The following C1orf54 variants were observed in gnomAD, a reference collection of about 807,000 sequenced individuals.
The protein encoded by C1orf54 is chromosome 1 open reading frame 54.
A neutral mutation model predicts 14.7 loss-of-function variants in C1orf54; 12 were observed. That is an observed-to-expected ratio of 0.82 (90% CI 0.52 to 1.32). The LOEUF (loss-of-function observed/expected upper bound fraction) is 1.32, where lower values mean the gene tolerates loss of function less well. Among genes scored for constraint, C1orf54 ranks in the 40% most tolerant of loss-of-function variants. C1orf54 has a pLI of 0.00. For missense variants in C1orf54, 163 were observed against 162.2 expected (o/e 1.00, Z -0.03); for synonymous variants, 65 against 56.3 (o/e 1.16, Z -0.70).
chr1:150,273,043 G>A (rs1652334707), intron 1 of C1orf54, among the ~76,000 whole-genome samples, 180 bp downstream of exon 1: 1 of 152,114 alleles, frequency 6.6e-6, no homozygotes. Context: ...GCCAGGAAAG[G>A]GGGAAAAAAG....
At chr1:150,268,905 A>T, upstream of C1orf54, 1 of 1,090,598 alleles carries the variant, frequency 9.2e-7, no homozygotes, top group Non-Finnish European at 1.3e-6. Context: ...TGGCAACGCG[A>T]CCCCACGAGG....
At chr1:150,270,947 G>C (rs1652163758), upstream of C1orf54, among the ~76,000 whole-genome samples, 1 of 131,396 alleles carries the variant, frequency 7.6e-6, no homozygotes, top group Non-Finnish European at 1.6e-5. Context: ...AGTGAGCCGA[G>C]ATCGTGCCAC....
chr1:150,277,689 C>T (rs1336809863), intron 4 of C1orf54, among the ~76,000 whole-genome samples: 4 of 151,902 alleles, frequency 2.6e-5, no homozygotes, highest in Admixed American at 2.6e-4. Flanking sequence ...TCACATGTGG[C>T]AACATAGGGG....
intron 4 of C1orf54, 85 bp downstream of exon 4, chr1:150,276,717 T>G (rs1026194723): frequency 8.3e-5 from 93 of 1,116,462 alleles, no homozygotes; most frequent in Non-Finnish European, 1.8e-5. Flanking sequence ...ATACCAGGCT[T>G]TGGTGGATGG....
chr1:150,270,085 T>C (rs892849353), upstream of C1orf54, among the ~76,000 whole-genome samples: 6 of 151,970 alleles, frequency 3.9e-5, no homozygotes, highest in Admixed American at 1.3e-4. Flanking sequence ...TGTAATCTCA[T>C]TTGGATGGGG....
At chr1:150,272,366 A>G (rs2101865560), upstream of C1orf54, 1 of 169,458 alleles carries the variant, frequency 5.9e-6, no homozygotes, top group Middle Eastern at 3.1e-3. Flanking sequence ...CTGTGACGAA[A>G]AGAGACTGAT....
intron 1 of C1orf54, among the ~76,000 whole-genome samples, chr1:150,273,722 G>C (rs371624620): frequency 6.2e-4 from 95 of 152,332 alleles, no homozygotes; most frequent in African/African-American, 2.2e-3. Flanking sequence ...AATACAGTAA[G>C]ATCTGGAGCA....
chr1:150,273,076 G>C (rs973976393), intron 1 of C1orf54, among the ~76,000 whole-genome samples: 2 of 152,146 alleles, frequency 1.3e-5, no homozygotes, highest in Admixed American at 1.3e-4. Flanking sequence ...AAACAAGGAG[G>C]ATGGAGCTCC....
upstream of C1orf54, among the ~76,000 whole-genome samples, chr1:150,270,709 G>C (rs1406889069): frequency 6.6e-6 from 1 of 150,822 alleles, no homozygotes; most frequent in African/African-American, 2.4e-5. Context: ...ATGAGACTAA[G>C]AGGGTAGCTG....
At chr1:150,268,746 A>G, upstream of C1orf54, 1 of 1,613,880 alleles carries the variant, frequency 6.2e-7, no homozygotes, top group Non-Finnish European at 8.5e-7. Context: ...CACAGTGATC[A>G]AGAAAAGCGC....
At chr1:150,280,455 G>A (rs587658262) in intron 5 of C1orf54, among the ~76,000 whole-genome samples, 1 of 152,312 alleles carries the variant, frequency 6.6e-6, no homozygotes, top group African/African-American at 2.4e-5. Context: ...GCCTGGCCAC[G>A]TTTCAAGTCA....
Position 150,272,859 on chromosome 1 carries a change from C to T in C1orf54, c.42C>T (p.Ile14=), listed in dbSNP as rs781992672. The T allele has an allele frequency of 9.9e-6, 16 of 1,613,980 alleles. No homozygotes were observed. Among genetic ancestry groups the T allele is most frequent in the Non-Finnish European group, 1.3e-5 (15 of 1,180,032 alleles). ...TAGCCATCTTTGCTGTGCCACTTAT[C>T]CTGGGTAAGTCCACTCCTCTCTCTG... ...LFVAIFAVPL[I]LGQEYEDEER... is the part of the protein sequence containing the mutation. The change falls in exon 1 of 6, where the codon ATC becomes ATT. Residue 14 remains isoleucine (I), a synonymous_variant. Coordinates refer to ENST00000369099, the MANE Select transcript of C1orf54 (RefSeq NM_024579.4).
Position 150,275,720 on chromosome 1 carries a change from G to A in C1orf54, c.131-21G>A, listed in dbSNP as rs782757471. 5.0e-6 allele frequency: 8 copies of A among 1,586,836 alleles called. No homozygotes were observed. In the South Asian group the frequency reaches 7.9e-5, roughly 16 times the overall value. ...GTTACATTTTTCTTTAATTATTACTGATTTTCTTTCTCCTCTGCAGATGAC... is the reference window on the plus strand; with the variant it reads ...GTTACATTTTTCTTTAATTATTACTAATTTTCTTTCTCCTCTGCAGATGAC... On this transcript the variant is annotated intron_variant, in intron 2 of 5. Transcript: ENST00000369099.
intron 1 of C1orf54, among the ~76,000 whole-genome samples, chr1:150,273,621 G>A (rs900115263): frequency 6.6e-6 from 1 of 152,186 alleles, no homozygotes; most frequent in Non-Finnish European, 1.5e-5. Context: ...TATTCTGTTA[G>A]CAGTGAAGGT....
At chr1:150,280,513 G>GT (rs1652999587) in intron 5 of C1orf54, among the ~76,000 whole-genome samples, 2 of 152,248 alleles carry the variant, frequency 1.3e-5, no homozygotes, top group Non-Finnish European at 2.9e-5. Flanking sequence ...ACCTGGTAGA[G>GT]TCAAGAGGCA....
chr1:150,280,454 C>T (rs1182438640), intron 5 of C1orf54, among the ~76,000 whole-genome samples: 3 of 152,208 alleles, frequency 2.0e-5, no homozygotes, highest in South Asian at 2.1e-4. Flanking sequence ...AGCCTGGCCA[C>T]GTTTCAAGTC....
chr1:150,272,887 C>G (rs1553851564), intron 1 of C1orf54, 24 bp downstream of exon 1: 2 of 1,613,570 alleles, frequency 1.2e-6, no homozygotes, highest in Non-Finnish European at 1.7e-6. Flanking sequence ...TCTCTCTGAG[C>G]TTTTGTGCCA....
In C1orf54 at chr1:150,276,614, A is replaced by G. The variant is rs782784545; in HGVS notation, c.282A>G (p.Lys94=). 1.5e-5 allele frequency: 24 copies of G among 1,613,496 alleles called. No individual in the cohort carries two copies. The Admixed American group carries it at 4.0e-4, about 27-fold the overall frequency. The part of the protein sequence containing the change: ...RADHPKPVTV[K]PVTTEPSPDL... The stretch of plus-strand genomic sequence containing the variant: ...ACCATCCGAAGCCTGTAACTGTGAA[A>G]CCAGTAACAACGGAACCTGTGAGTT... The change falls in exon 4 of 6, where the codon AAA becomes AAG. Residue 94 remains lysine, a synonymous_variant. Transcript: ENST00000369099.
intron 5 of C1orf54, among the ~76,000 whole-genome samples, chr1:150,280,470 G>C (rs1347696331): frequency 6.6e-6 from 1 of 152,228 alleles, no homozygotes; most frequent in Non-Finnish European, 1.5e-5. Flanking sequence ...AAGTCATGGC[G>C]AATGCCAGAG....
Sources: gnomAD v4.1 joint callset for allele counts (sites outside exome capture counted in the v4.1 genomes callset) on GRCh38, gnomAD v4.1.1 for gene constraint, MANE v1.5 for transcripts, NCBI Gene and HGNC (gene_info 2026-07-23, HGNC 2026-07-21) for gene names.